SAMD12: variants seen among roughly 807,000 people sequenced by gnomAD.
The protein encoded by SAMD12 is sterile alpha motif domain-containing protein 12.
Under a neutral mutation model 15.0 loss-of-function variants are expected in SAMD12, and 9 were observed. That is an observed-to-expected ratio of 0.60 (90% CI 0.36 to 1.05). The LOEUF (loss-of-function observed/expected upper bound fraction) is 1.05, where lower values mean the gene tolerates loss of function less well. Ranked by LOEUF, SAMD12 falls within the 50% of genes least tolerant of loss-of-function variation. The probability of loss-of-function intolerance (pLI) is 0.01; values close to 1 mark genes in which losing one functional copy is unlikely to be tolerated. For missense variants in SAMD12, 230 were observed against 234.2 expected (o/e 0.98, Z 0.12); for synonymous variants, 86 against 90.1 (o/e 0.96, Z 0.25).
chr8:118,225,441 T>A (rs1812167920), intron 4 of SAMD12, among the ~76,000 whole-genome samples: 1 of 152,176 alleles, frequency 6.6e-6, no homozygotes, highest in Non-Finnish European at 1.5e-5. Context: ...AAAGTTGTGC[T>A]GCCAGGGTTT....
chr8:118,479,725 T>A (rs1824069426), intron 2 of SAMD12, among the ~76,000 whole-genome samples: 1 of 151,960 alleles, frequency 6.6e-6, no homozygotes, highest in Non-Finnish European at 1.5e-5. Context: ...CATTACTGCA[T>A]CCATGAGCAC....
At chr8:118,473,287 C>G (rs80149034) in intron 2 of SAMD12, among the ~76,000 whole-genome samples, 2 of 152,272 alleles carry the variant, frequency 1.3e-5, no homozygotes, top group East Asian at 3.9e-4. Context: ...TAAACCTTCC[C>G]TATACCTCTA....
At chr8:118,575,026 T>C (rs965808128) in intron 2 of SAMD12, among the ~76,000 whole-genome samples, 48 of 152,166 alleles carry the variant, frequency 3.2e-4, no homozygotes, top group African/African-American at 1.1e-3. Context: ...TTCTTTTTGC[T>C]CTGTTTTAAT....
At chr8:118,567,859 A>C (rs1346902005) in intron 2 of SAMD12, among the ~76,000 whole-genome samples, 1 of 152,220 alleles carries the variant, frequency 6.6e-6, no homozygotes, top group Non-Finnish European at 1.5e-5. Flanking sequence ...AAATCCTTCC[A>C]GTTTGTTTTA....
At chr8:118,458,839 C>A (rs1684712231) in intron 2 of SAMD12, among the ~76,000 whole-genome samples, 2 of 152,054 alleles carry the variant, frequency 1.3e-5, no homozygotes, top group Admixed American at 1.3e-4. Flanking sequence ...GTTATTCGTT[C>A]AAAAGTGACC....
chr8:118,476,858 G>A lies in SAMD12; in HGVS notation c.193-36897C>T, dbSNP rs769973439. 5.9e-5 allele frequency among the ~76,000 whole-genome samples: 9 copies of A among 152,128 alleles called. No homozygotes were observed. In the South Asian group the frequency reaches 8.3e-4, roughly 14 times the overall value. ...AACGGCATTTGTTTCTTTAGCTCGA[G>A]TAGTTCTCTGCCAGCTCTTGAGCAA... is the stretch of plus-strand genomic sequence containing the variant. On this transcript the variant is annotated intron_variant, in intron 2 of 3. Coordinates refer to ENST00000314727, the MANE Select transcript of SAMD12 (RefSeq NM_207506.3).
At chr8:118,497,087 C>T (rs7008969) in intron 2 of SAMD12, among the ~76,000 whole-genome samples, 10,425 of 152,202 alleles carry the variant, frequency 0.068, 566 homozygotes, top group East Asian at 0.28. Flanking sequence ...GGCGACATTG[C>T]AGAGAAAAGG....
chr8:118,526,688 A>G (rs1413577183), intron 2 of SAMD12, among the ~76,000 whole-genome samples: 3 of 152,184 alleles, frequency 2.0e-5, no homozygotes, highest in Non-Finnish European at 4.4e-5. Context: ...CAGTTAACAG[A>G]AAGTGCAGAG....
At chr8:118,514,916 G>A (rs949548222) in intron 2 of SAMD12, among the ~76,000 whole-genome samples, 3 of 152,206 alleles carry the variant, frequency 2.0e-5, no homozygotes, top group Admixed American at 2.0e-4. Flanking sequence ...GAAGGTCCTG[G>A]TGGGAGGTGA....
At chr8:118,231,862 A>G (rs1014610448) in intron 4 of SAMD12, among the ~76,000 whole-genome samples, 2 of 152,010 alleles carry the variant, frequency 1.3e-5, no homozygotes, top group Admixed American at 1.3e-4. Flanking sequence ...CGTGGTGTGA[A>G]CAACAGTGAT....
chr8:118,278,474 A>T (rs1813524368), intron 4 of SAMD12, among the ~76,000 whole-genome samples: 1 of 152,224 alleles, frequency 6.6e-6, no homozygotes, highest in African/African-American at 2.4e-5. Flanking sequence ...GATTCAAGAA[A>T]GCTTCAGCAT....
chr8:118,170,058 G>A, the SAMD12 span, among the ~76,000 whole-genome samples: 1 of 152,176 alleles, frequency 6.6e-6, no homozygotes, highest in African/African-American at 2.4e-5. Flanking sequence ...TTGTTATTAG[G>A]CAATATCTAT....
chr8:118,210,220 G>A (rs192083413), intron 4 of SAMD12, among the ~76,000 whole-genome samples: 33 of 152,288 alleles, frequency 2.2e-4, no homozygotes, highest in African/African-American at 4.1e-4. Context: ...TGGGGTTTAC[G>A]TGCATTATTA....
chr8:118,300,713 T>C (rs1814975278), intron 4 of SAMD12, among the ~76,000 whole-genome samples: 1 of 152,192 alleles, frequency 6.6e-6, no homozygotes, highest in Non-Finnish European at 1.5e-5. Context: ...CCAATGTACA[T>C]TAGAGTTAAA....
intron 3 of SAMD12, among the ~76,000 whole-genome samples, chr8:118,428,499 A>G (rs1430150257): frequency 1.3e-5 from 2 of 152,216 alleles, no homozygotes; most frequent in African/African-American, 2.4e-5. Flanking sequence ...TTCCAGGGAC[A>G]TATATAATAA....
intron 4 of SAMD12, among the ~76,000 whole-genome samples, chr8:118,285,962 A>G (rs1372276049): frequency 1.3e-5 from 2 of 152,118 alleles, no homozygotes; most frequent in Admixed American, 1.3e-4. Flanking sequence ...TGTGGCACAT[A>G]TACACCATGG....
chr8:118,569,342 A>G (rs1438122393), intron 2 of SAMD12, among the ~76,000 whole-genome samples: 2 of 152,196 alleles, frequency 1.3e-5, no homozygotes, highest in Non-Finnish European at 2.9e-5. Context: ...AATGAATTTC[A>G]TGCTTAGACT....
chr8:118,372,547 A>G (rs1412754373), intron 4 of SAMD12, among the ~76,000 whole-genome samples: 1 of 152,094 alleles, frequency 6.6e-6, no homozygotes, highest in African/African-American at 2.4e-5. Context: ...TATGAGGTCA[A>G]ACATACATTT....
rs567201809 is a variant in SAMD12 at position 118,329,925 on chromosome 8, C to T, written c.433+49635G>A. On this transcript the variant is annotated intron_variant, in intron 4 of 4. Transcript: ENST00000409003. Reference sequence around the variant, plus strand: ...TATGGGAGAGGTTCATATTAAGAACCTCTCCCATATTAAGAATATTAATGA... The same window carrying T: ...TATGGGAGAGGTTCATATTAAGAACTTCTCCCATATTAAGAATATTAATGA... Among the ~76,000 whole-genome samples the T allele has an allele frequency of 2.6e-5, 4 of 152,026 alleles. No homozygotes were observed. In the East Asian group the frequency reaches 7.8e-4, roughly 29 times the overall value.
Sources: allele counts gnomAD v4.1 joint callset (sites outside exome capture counted in the v4.1 genomes callset), GRCh38; gene constraint gnomAD v4.1.1; transcripts MANE v1.5; gene names NCBI Gene and HGNC (gene_info 2026-07-23, HGNC 2026-07-21).